The following USP8 variants were observed in gnomAD, a reference collection of about 807,000 sequenced individuals.
USP8 encodes ubiquitin specific peptidase 8.
Under a neutral mutation model 130.0 loss-of-function variants are expected in USP8, and 27 were observed. The ratio of observed to expected loss-of-function variants is 0.21; its 90% CI spans 0.15 to 0.29. USP8 has a LOEUF of 0.29. Ranked by LOEUF, USP8 falls within the 10% of genes least tolerant of loss-of-function variation. The pLI is 1.00. For missense variants in USP8, 1,029 were observed against 1,312.2 expected (o/e 0.78, Z 3.33); for synonymous variants, 392 against 444.1 (o/e 0.88, Z 1.48).
chr15:50,440,873 A>G (rs1281908961), intron 2 of USP8, among the ~76,000 whole-genome samples: 1 of 151,716 alleles, frequency 6.6e-6, no homozygotes, highest in Non-Finnish European at 1.5e-5. Flanking sequence ...ATGGTGGTAC[A>G]CTCCTGTAAT....
intron 17 of USP8, among the ~76,000 whole-genome samples, chr15:50,496,406 T>A (rs3098179): frequency 2.9e-4 from 43 of 150,028 alleles, no homozygotes; most frequent in African/African-American, 9.8e-4. Context: ...GCGTGAACCC[T>A]GGAGGCGGAG....
At chr15:50,459,891 G>C (rs2050922908) in intron 5 of USP8, among the ~76,000 whole-genome samples, 2 of 150,548 alleles carry the variant, frequency 1.3e-5, no homozygotes. Context: ...AAAAGATTTA[G>C]TATACTACTT....
At chr15:50,428,626 CA>C (rs1240435627) in intron 1 of USP8, among the ~76,000 whole-genome samples, 1 of 152,096 alleles carries the variant, frequency 6.6e-6, no homozygotes, top group East Asian at 1.9e-4. Context: ...AGAATAATTA[CA>C]ACAATATAGT....
At chr15:50,488,032 AT>A (rs2052025077) in intron 12 of USP8, among the ~76,000 whole-genome samples, 1 of 152,118 alleles carries the variant, frequency 6.6e-6, no homozygotes, top group South Asian at 2.1e-4. Context: ...TTTAAATGAC[AT>A]TTGCAAACAT....
rs773964016 is a variant in USP8, at chr15:50,506,045, A to G, written c.*6957A>G. On this transcript the variant is annotated 3_prime_UTR_variant, in exon 20 of 20. Transcript: ENST00000307179. ...TTCCATTTCTTTGGGAGCAGAGTAT[A>G]AAGATCTTGATTAACTTTAGGCTTT... 1 of 152,224 alleles carries G rather than the reference A, an allele frequency of 6.6e-6. No individual in the cohort carries two copies. Among genetic ancestry groups the G allele is most frequent in the African/African-American group, 2.4e-5 (1 of 41,448 alleles). The allele number at this position is 152,224 out of a possible 1,614,324, so 9.4% of individuals were successfully genotyped here. A position where few individuals can be genotyped will look rare whatever the true frequency, so the allele number is the denominator to read the frequency against.
intron 8 of USP8, 116 bp downstream of exon 8, chr15:50,471,911 T>TG: frequency 7.9e-7 from 1 of 1,269,222 alleles, no homozygotes; most frequent in South Asian, 1.3e-5. Context: ...CCTTTTTTTT[T>TG]TTTTTTTGAG....
At position 50,508,557 on chromosome 15, in the gene USP8, TTTAAAACA is replaced by T. The variant is rs2052694502; in HGVS notation, c.*9479_*9486del. On this transcript the variant is annotated 3_prime_UTR_variant, in exon 20 of 20. Transcript: ENST00000307179. ...GAGTGTTAATACACTGGACACTCAG[TTTAAAACA>T]TTAAAACATAACAGAATAAACCCTA... 6.6e-6 allele frequency: 1 copy of T among 152,090 alleles called. No individual in the cohort carries two copies. The highest frequency in any genetic ancestry group is 2.4e-5 in the African/African-American group (1 of 41,410). The allele number at this position is 152,090 out of a possible 1,614,324, so 9.4% of individuals were successfully genotyped here. A position where few individuals can be genotyped will look rare whatever the true frequency, so the allele number is the denominator to read the frequency against.
rs931570162 is a variant in USP8 at position 50,504,042 on chromosome 15, C to T, written c.*4954C>T. The T allele has an allele frequency of 2.6e-5, 4 of 152,044 alleles. No individual in the cohort carries two copies. The highest frequency in any genetic ancestry group is 6.6e-5 in the Admixed American group (1 of 15,256). 9.4% of individuals were successfully genotyped at this position (152,044 alleles called of 1,614,324 possible). On this transcript the variant is annotated 3_prime_UTR_variant, in exon 20 of 20. Transcript: ENST00000307179. ...CAACATAGTTGGCCGTCCATATTTA[C>T]GGGCTCTGCATCTTCAGAATCAACT...
At chr15:50,427,720 C>G (rs1450953677) in intron 1 of USP8, among the ~76,000 whole-genome samples, 1 of 151,462 alleles carries the variant, frequency 6.6e-6, no homozygotes, top group East Asian at 1.9e-4. Context: ...CCACCATGCC[C>G]GGCTAATTTT....
chr15:50,481,337 TG>T (rs1264300008), intron 10 of USP8, 143 bp from the exon 11 acceptor site: 1 of 546,686 alleles, frequency 1.8e-6, no homozygotes, highest in Admixed American at 3.9e-5. Context: ...TGAGAAATCT[TG>T]ACACTGAGTA....
intron 18 of USP8, 142 bp downstream of exon 18, chr15:50,497,373 A>C: frequency 9.6e-7 from 1 of 1,043,572 alleles, no homozygotes; most frequent in Non-Finnish European, 1.3e-6. Flanking sequence ...TAGGGAAATA[A>C]AGCAGAAATG....
chr15:50,447,404 C>T (rs1382442641), intron 3 of USP8, among the ~76,000 whole-genome samples: 3 of 152,104 alleles, frequency 2.0e-5, no homozygotes, highest in Admixed American at 6.6e-5. Context: ...CCACGCCTGG[C>T]TAATTTTCAT....
intron 3 of USP8, chr15:50,444,620 T>C (rs1013525587): frequency 6.6e-6 from 1 of 152,182 alleles, no homozygotes; most frequent in Non-Finnish European, 1.5e-5. Context: ...AAGTCCAGGC[T>C]GAGACGCTCC....
intron 6 of USP8, 119 bp downstream of exon 6, chr15:50,462,441 C>A: frequency 5.8e-6 from 5 of 857,842 alleles, no homozygotes; most frequent in Non-Finnish European, 8.6e-6. Context: ...TCTATGTAAG[C>A]TTTATCATTT....
At chr15:50,426,874 G>A (rs2049745828) in intron 1 of USP8, 2 of 152,070 alleles carry the variant, frequency 1.3e-5, no homozygotes, top group African/African-American at 4.8e-5. Context: ...TGATGACAAA[G>A]TTGTATTGGA....
In USP8 at chr15:50,477,838, C is replaced by CA. The variant is rs34193682; in HGVS notation, c.1218+353dup. 4.0e-3 allele frequency among the ~76,000 whole-genome samples: 518 copies of CA among 129,224 alleles called. 2 individuals carry two copies. Among genetic ancestry groups the CA allele is most frequent in the South Asian group, 8.7e-3 (36 of 4,160 alleles). 84.8% of individuals were successfully genotyped at this position (129,224 alleles called of 152,430 possible). The stretch of plus-strand genomic sequence containing the variant: ...CCTGGGTGACAGCAAGACTCTGTCT[C>CA]AAAAAAAAAAAAAAGAATTAAATAC... On this transcript the variant is annotated intron_variant, in intron 10 of 19. Transcript: ENST00000307179.
chr15:50,437,822 C>T (rs1233996875), intron 1 of USP8, among the ~76,000 whole-genome samples: 1 of 152,206 alleles, frequency 6.6e-6, no homozygotes, highest in Non-Finnish European at 1.5e-5. Flanking sequence ...GAGACCTTTT[C>T]TCCCCTATCA....
intron 3 of USP8, among the ~76,000 whole-genome samples, chr15:50,444,001 G>T (rs1456566447): frequency 1.3e-5 from 2 of 151,922 alleles, no homozygotes; most frequent in African/African-American, 4.8e-5. Flanking sequence ...TTAAAACGCA[G>T]TGTAAGTGGT....
At chr15:50,482,659 T>C (rs1225091632) in intron 11 of USP8, among the ~76,000 whole-genome samples, 1 of 152,244 alleles carries the variant, frequency 6.6e-6, no homozygotes, top group African/African-American at 2.4e-5. Flanking sequence ...TCTTTTTCAA[T>C]CTCTAATAAT....
Sources: gnomAD v4.1 joint callset for allele counts (sites outside exome capture counted in the v4.1 genomes callset) on GRCh38, gnomAD v4.1.1 for gene constraint, MANE v1.5 for transcripts, NCBI Gene and HGNC (gene_info 2026-07-23, HGNC 2026-07-21) for gene names.